POLR3D: variants seen among roughly 807,000 people sequenced by gnomAD.
POLR3D encodes DNA-directed RNA polymerase III subunit RPC4.
In POLR3D, 42 loss-of-function variants were observed where a neutral mutation model predicts 44.5. That is an observed-to-expected ratio of 0.94 (90% confidence interval 0.74 to 1.22). The LOEUF (loss-of-function observed/expected upper bound fraction) is 1.22. Among genes scored for constraint, POLR3D ranks in the 50% most tolerant of loss-of-function variants. The pLI, the probability that POLR3D is intolerant of heterozygous loss-of-function variation, is 0.00. For synonymous variants in POLR3D, 217 were observed against 198.1 expected (o/e 1.10, Z -0.80); for missense variants, 507 against 505.2 (o/e 1.00, Z -0.03).
chr8:22,249,243 G>A lies in POLR3D; in HGVS notation c.855G>A (p.Lys285=). ...LPGQPPTQDI[K]PIKTEVQGED... ...GCCAGCCACCCACCCAGGACATCAA[G>A]CCTATCAAGACAGAGGTGCAGGGCG... Residue 285 remains lysine (K), a synonymous_variant, in exon 7 of 9, where the codon AAG becomes AAA. Transcript: ENST00000306433. 1 of 1,614,082 alleles carries A rather than the reference G, an allele frequency of 6.2e-7. No individual in the cohort carries two copies. Among genetic ancestry groups the A allele is most frequent in the Admixed American group, 1.7e-5 (1 of 59,988 alleles).
intron 7 of POLR3D, among the ~76,000 whole-genome samples, chr8:22,249,535 T>C (rs1258173269): frequency 1.3e-5 from 2 of 152,150 alleles, no homozygotes; most frequent in Non-Finnish European, 2.9e-5. Context: ...CAAACACAAA[T>C]GAGAGAACAT....
In POLR3D at chr8:22,250,583, C is replaced by G. The variant is rs1830096953; in HGVS notation, c.*65C>G. ...TGCTGCCTGCTCCAGACATTTTGTT[C>G]TTGAATCTGTGAGACCCAGAAGGGG... On this transcript the variant is annotated 3_prime_UTR_variant, in exon 9 of 9. Coordinates refer to ENST00000306433, the MANE Select transcript of POLR3D (RefSeq NM_001722.3). The G allele has an allele frequency of 6.2e-7, 1 of 1,603,386 alleles. No homozygotes were observed. Among genetic ancestry groups the G allele is most frequent in the East Asian group, 2.2e-5 (1 of 44,834 alleles).
chr8:22,245,721 G>A (rs1830033295), intron 2 of POLR3D, 107 bp downstream of exon 2: 1 of 687,948 alleles, frequency 1.5e-6, no homozygotes. Flanking sequence ...CTGTCGTTGG[G>A]CCTCTCAAGC....
Position 22,245,587 on chromosome 8 carries a change from G to A in POLR3D, c.138G>A (p.Arg46=). The change falls in exon 2 of 9, where the codon AGG becomes AGA. Residue 46 remains arginine (R), a synonymous_variant. Coordinates refer to ENST00000306433, the MANE Select transcript of POLR3D (RefSeq NM_001722.3). ...GCCGCCTTCCCTCCATCCGTTCCAG[G>A]GACCTCACCCTCGGGGGAGTCAAGA... ...TPGRLPSIRS[R]DLTLGGVKKK... The A allele has an allele frequency of 7.9e-7, 1 of 1,260,282 alleles. No homozygotes were observed. Among genetic ancestry groups the A allele is most frequent in the South Asian group, 3.9e-5 (1 of 25,894 alleles). The allele number at this position is 1,260,282 out of a possible 1,614,324, so 78.1% of individuals were successfully genotyped here.
rs1452398961 is a variant in POLR3D, at chr8:22,254,363, T to C, written c.*3845T>C. The C allele has an allele frequency of 6.6e-6, 1 of 152,236 alleles. No individual in the cohort carries two copies. Among genetic ancestry groups the C allele is most frequent in the Non-Finnish European group, 1.5e-5 (1 of 68,042 alleles). 9.4% of individuals were successfully genotyped at this position (152,236 alleles called of 1,614,324 possible). A position where few individuals can be genotyped will look rare whatever the true frequency, so the allele number is the denominator to read the frequency against. ...ATGTGGTTTTATCGTGTACTCTATC[T>C]CACTCAGAAATACATACAATTCTTC... On this transcript the variant is annotated 3_prime_UTR_variant, in exon 9 of 9. Coordinates refer to ENST00000306433, the MANE Select transcript of POLR3D (RefSeq NM_001722.3).
chr8:22,247,360 A>G, intron 3 of POLR3D, 96 bp downstream of exon 3: 1 of 882,690 alleles, frequency 1.1e-6, no homozygotes, highest in Non-Finnish European at 1.8e-6. Context: ...TCCAAAATTT[A>G]AATTTATATC....
intron 7 of POLR3D, 111 bp from the exon 8 acceptor site, chr8:22,249,964 G>T (rs1830086431): frequency 1.7e-6 from 2 of 1,192,380 alleles, no homozygotes; most frequent in Non-Finnish European, 2.4e-6. Context: ...ACTCTTTGGG[G>T]AGCTCATTTT....
At position 22,245,475 on chromosome 8, in the gene POLR3D, A is replaced by C; in HGVS notation, c.26A>C (p.Glu9Ala). The change falls in exon 2 of 9, where the codon GAG (glutamate) becomes GCG (alanine). Residue 9 changes from glutamate (E) to alanine (A), a missense_variant. Coordinates refer to ENST00000306433, the MANE Select transcript of POLR3D (RefSeq NM_001722.3). ...ATGTCGGAAGGAAACGCCGCCGGCGAGCCCAGCACGCCGGGAGGGCCCCGA... is the reference window on the plus strand; with the variant it reads ...ATGTCGGAAGGAAACGCCGCCGGCGCGCCCAGCACGCCGGGAGGGCCCCGA... MSEGNAAG[E>A]PSTPGGPRPL... 7.6e-7 allele frequency: 1 copy of C among 1,309,042 alleles called. No homozygotes were observed. The highest frequency in any genetic ancestry group is 9.8e-7 in the Non-Finnish European group (1 of 1,021,176). 81.1% of individuals were successfully genotyped at this position (1,309,042 alleles called of 1,614,324 possible).
chr8:22,245,388 C>T, intron 1 of POLR3D, 57 bp from the exon 2 acceptor site: 1 of 1,260,054 alleles, frequency 7.9e-7, no homozygotes, highest in Non-Finnish European at 1.0e-6. Context: ...GGGTGGGGTT[C>T]CGCCAGGGTC....
rs771312556 is a variant in POLR3D at position 22,247,225 on chromosome 8, C to T, written c.170C>T (p.Thr57Ile). The T allele has an allele frequency of 4.3e-6, 7 of 1,612,754 alleles. No individual in the cohort carries two copies. The highest frequency in any genetic ancestry group is 1.3e-5 in the African/African-American group (1 of 74,984). Residue 57 changes from threonine to isoleucine, a missense_variant, in exon 3 of 9, where the codon ACC becomes ATC. Physicochemically the swap from Thr to Ile is moderately conservative, Grantham distance 89 (BLOSUM62 -1). Coordinates refer to ENST00000306433, the MANE Select transcript of POLR3D (RefSeq NM_001722.3). Reference protein sequence around the residue: ...DLTLGGVKKKTFTPNIISRKI... With the variant: ...DLTLGGVKKKIFTPNIISRKI... Reference sequence around the variant, plus strand: ...ACTCCTGTATTTTGCTTTCAGAAAACCTTCACCCCAAATATCATCAGTCGG... The same window carrying T: ...ACTCCTGTATTTTGCTTTCAGAAAATCTTCACCCCAAATATCATCAGTCGG...
At position 22,250,100 on chromosome 8, in the gene POLR3D, G is replaced by T. The variant is rs1051496897; in HGVS notation, c.947G>T (p.Cys316Phe). The T allele has an allele frequency of 1.2e-6, 2 of 1,614,148 alleles. No individual in the cohort carries two copies. Among genetic ancestry groups the T allele is most frequent in the African/African-American group, 2.7e-5 (2 of 75,026 alleles). ...DREAKLAENA[C>F]TLADLTEGQV... ...GAAGCCAAATTGGCAGAGAATGCTT[G>T]TACCCTGGCTGACCTGACAGAGGGT... Residue 316 changes from cysteine to phenylalanine, a missense_variant, in exon 8 of 9, where the codon TGT (cysteine) becomes TTT (phenylalanine). Coordinates refer to ENST00000306433, the MANE Select transcript of POLR3D (RefSeq NM_001722.3).
Position 22,250,587 on chromosome 8 carries a change from A to C in POLR3D, c.*69A>C. 2 of 1,597,832 alleles carry C rather than the reference A, an allele frequency of 1.3e-6. No homozygotes were observed. Among genetic ancestry groups the C allele is most frequent in the Non-Finnish European group, 1.7e-6 (2 of 1,169,448 alleles). ...GCCTGCTCCAGACATTTTGTTCTTG[A>C]ATCTGTGAGACCCAGAAGGGGCCCA... On this transcript the variant is annotated 3_prime_UTR_variant, in exon 9 of 9. Coordinates refer to ENST00000306433, the MANE Select transcript of POLR3D (RefSeq NM_001722.3).
At chr8:22,246,885 G>A (rs1830049386) in intron 2 of POLR3D, among the ~76,000 whole-genome samples, 1 of 152,202 alleles carries the variant, frequency 6.6e-6, no homozygotes, top group Non-Finnish European at 1.5e-5. Context: ...GATACTGACT[G>A]GTCTCTATAG....
rs551158086 is a variant in POLR3D, at chr8:22,253,669, A to AGTTTT, written c.*3170_*3174dup. 6.6e-5 allele frequency: 10 copies of AGTTTT among 152,190 alleles called. No homozygotes were observed. Among genetic ancestry groups the AGTTTT allele is most frequent in the East Asian group, 3.9e-4 (2 of 5,186 alleles). 9.4% of individuals were successfully genotyped at this position (152,190 alleles called of 1,614,324 possible). Reference sequence around the variant, plus strand: ...GATTCAGCAGGTACATGAGCATGTTAGTTTTGTTTTGTTTTGTTTTGTTCT... The same window carrying AGTTTT: ...GATTCAGCAGGTACATGAGCATGTTAGTTTTGTTTTGTTTTGTTTTGTTTTGTTCT... On this transcript the variant is annotated 3_prime_UTR_variant, in exon 9 of 9. Coordinates refer to ENST00000306433, the MANE Select transcript of POLR3D (RefSeq NM_001722.3).
chr8:22,245,284 T>G (rs963108311), intron 1 of POLR3D, 101 bp downstream of exon 1: 41 of 540,312 alleles, frequency 7.6e-5, no homozygotes, highest in Non-Finnish European at 2.2e-5. Flanking sequence ...CCAAAGGCTC[T>G]CACCTGGGTG....
rs759931414 is a variant in POLR3D, at chr8:22,250,422, C to T, written c.1101C>T (p.Asp367=). The change falls in exon 9 of 9, where the codon GAC becomes GAT. Residue 367 remains aspartate, a synonymous_variant. Coordinates refer to ENST00000306433, the MANE Select transcript of POLR3D (RefSeq NM_001722.3). ...AGCTGGTGTCCGTGGGCCTTGGAGA[C>T]AGTAGGACAGGGGAGATGACAGTCC... The part of the protein sequence containing the change: ...LQELVSVGLG[D]SRTGEMTVLG... 3 of 1,614,078 alleles carry T rather than the reference C, an allele frequency of 1.9e-6. No individual in the cohort carries two copies. Among genetic ancestry groups the T allele is most frequent in the Non-Finnish European group, 2.5e-6 (3 of 1,180,044 alleles).
Position 22,249,259 on chromosome 8 carries a change from G to A in POLR3D, c.871G>A (p.Val291Met), listed in dbSNP as rs1830075610. 1 of 1,614,084 alleles carries A rather than the reference G, an allele frequency of 6.2e-7. No individual in the cohort carries two copies. The highest frequency in any genetic ancestry group is 8.5e-7 in the Non-Finnish European group (1 of 1,180,032). Reference protein sequence around the residue: ...TQDIKPIKTEVQGEDGQVVLI... With the variant: ...TQDIKPIKTEMQGEDGQVVLI... ...GGACATCAAGCCTATCAAGACAGAGGTGCAGGGCGAGGACGGACAGGTGGT... is the reference window on the plus strand; with the variant it reads ...GGACATCAAGCCTATCAAGACAGAGATGCAGGGCGAGGACGGACAGGTGGT... The change falls in exon 7 of 9, where the codon GTG becomes ATG. Residue 291 changes from valine (V) to methionine (M), a missense_variant. By Grantham distance (21) the Val-to-Met change is conservative (BLOSUM62 1). Coordinates refer to ENST00000306433, the MANE Select transcript of POLR3D (RefSeq NM_001722.3).
chr8:22,247,012 C>G (rs2131947937), intron 2 of POLR3D, among the ~76,000 whole-genome samples: 1 of 152,298 alleles, frequency 6.6e-6, no homozygotes, highest in African/African-American at 2.4e-5. Context: ...TTGGTGCCCC[C>G]TTCTATGTGT....
At chr8:22,249,555 T>C (rs986527632) in intron 7 of POLR3D, among the ~76,000 whole-genome samples, 9 of 152,204 alleles carry the variant, frequency 5.9e-5, no homozygotes, top group Non-Finnish European at 1.0e-4. Flanking sequence ...TATGGCCAGA[T>C]GCGGTGGCTC....
Sources: allele counts gnomAD v4.1 joint callset (sites outside exome capture counted in the v4.1 genomes callset), GRCh38; gene constraint gnomAD v4.1.1; transcripts MANE v1.5; gene names NCBI Gene and HGNC (gene_info 2026-07-23, HGNC 2026-07-21).